The following ATE1 variants were observed in gnomAD, a reference collection of about 807,000 sequenced individuals.
ATE1 encodes arginyltransferase 1.
In ATE1, 36 loss-of-function variants were observed where a neutral mutation model predicts 70.5. The ratio of observed to expected loss-of-function variants is 0.51; its 90% CI spans 0.39 to 0.67. The LOEUF (loss-of-function observed/expected upper bound fraction) is 0.67. ATE1 is among the 30% of genes least tolerant of loss of function. The pLI, the probability that ATE1 is intolerant of heterozygous loss-of-function variation, is 0.00. For missense variants in ATE1, 593 were observed against 629.5 expected, an observed-to-expected ratio of 0.94 and a Z score of 0.62; for synonymous variants, 232 against 219.3, an observed-to-expected ratio of 1.06 and a Z score of -0.51.
At chr10:121,901,693 A>G (rs1950988484) in intron 6 of ATE1, among the ~76,000 whole-genome samples, 1 of 152,074 alleles carries the variant, frequency 6.6e-6, no homozygotes, top group South Asian at 2.1e-4. Flanking sequence ...AGACCTCAAG[A>G]GATCCACCTG....
chr10:121,758,807 T>C (rs1944914355), intron 11 of ATE1, among the ~76,000 whole-genome samples: 1 of 152,170 alleles, frequency 6.6e-6, no homozygotes, highest in African/African-American at 2.4e-5. Context: ...GTTATGGTGA[T>C]CTATGATCAG....
At chr10:121,918,546 C>A (rs1051644085) in intron 3 of ATE1, among the ~76,000 whole-genome samples, 6 of 152,130 alleles carry the variant, frequency 3.9e-5, no homozygotes, top group Non-Finnish European at 7.3e-5. Context: ...CAATCGAAAT[C>A]ACCCTTTTCT....
In ATE1 at chr10:121,913,843, T is replaced by C. The variant is rs1338237123; in HGVS notation, c.284A>G (p.Lys95Arg). ...TTTAGCTAGAAATTTCAACATTTTT[T>C]TCAAAACCTTCTTGTGAGATTTTGA... is the stretch of plus-strand genomic sequence containing the variant. Reference protein sequence around the residue: ...QPSKSHKKVLKKMLKFLAKGE... With the variant: ...QPSKSHKKVLRKMLKFLAKGE... Residue 95 changes from lysine to arginine, a missense_variant, in exon 4 of 12, where the codon AAA (lysine) becomes AGA (arginine). By Grantham distance (26) the Lys-to-Arg change is conservative (BLOSUM62 2). Coordinates refer to ENST00000224652, the MANE Select transcript of ATE1 (RefSeq NM_001001976.3). 1 of 1,613,304 alleles carries C rather than the reference T, an allele frequency of 6.2e-7. No homozygotes were observed.
At chr10:121,749,327 T>G (rs1944491361) in intron 11 of ATE1, among the ~76,000 whole-genome samples, 1 of 152,194 alleles carries the variant, frequency 6.6e-6, no homozygotes, top group East Asian at 1.9e-4. Flanking sequence ...TACTCAGATA[T>G]TAACATACAA....
Position 121,803,290 on chromosome 10 carries a change from G to A in ATE1, c.1258-13001C>T, listed in dbSNP as rs146422507. ...TCTGTCCAATCGTATTTCTTAAAAA[G>A]AGAGAACCACAGAATCTTAAAATTG... is the stretch of plus-strand genomic sequence containing the variant. On this transcript the variant is annotated intron_variant, in intron 10 of 11. Transcript: ENST00000224652. Among the ~76,000 whole-genome samples, 362 of 152,232 alleles carry A rather than the reference G, an allele frequency of 2.4e-3. 1 individual carries two copies. Among genetic ancestry groups the A allele is most frequent in the Non-Finnish European group, 4.1e-3 (280 of 68,008 alleles).
chr10:121,901,717 A>C (rs904029843), intron 6 of ATE1, among the ~76,000 whole-genome samples: 1 of 152,160 alleles, frequency 6.6e-6, no homozygotes, highest in Non-Finnish European at 1.5e-5. Context: ...CGGCCTACCA[A>C]AGTGCTAGGA....
chr10:121,869,955 A>G lies in ATE1; in HGVS notation c.975+51T>C, dbSNP rs747229722. The G allele has an allele frequency of 4.0e-6, 6 of 1,494,026 alleles. No homozygotes were observed. The African/African-American group carries it at 8.3e-5, about 21-fold the overall frequency. The allele number at this position is 1,494,026 out of a possible 1,614,324, so 92.5% of individuals were successfully genotyped here. On this transcript the variant is annotated intron_variant, in intron 8 of 11. Coordinates refer to ENST00000224652, the MANE Select transcript of ATE1 (RefSeq NM_001001976.3). ...TAAATGCCTAATGAAAGATATCAAC[A>G]ATGGTGTTCAATTACCAATTCTAAT...
chr10:121,805,014 T>A (rs1947040357), intron 10 of ATE1, among the ~76,000 whole-genome samples: 1 of 152,202 alleles, frequency 6.6e-6, no homozygotes, highest in South Asian at 2.1e-4. Flanking sequence ...AATAAATATG[T>A]AAAGCCTGTA....
intron 10 of ATE1, among the ~76,000 whole-genome samples, chr10:121,834,049 A>G (rs1948346161): frequency 1.3e-5 from 2 of 152,222 alleles, no homozygotes; most frequent in South Asian, 2.1e-4. Context: ...TGACGACTGC[A>G]GCAACTAAAG....
At chr10:121,927,251 A>T (rs1952130421) in intron 1 of ATE1, 1 of 985,252 alleles carries the variant, frequency 1.0e-6, no homozygotes, top group Non-Finnish European at 1.2e-6. Flanking sequence ...CATATAAGCA[A>T]ATGGTAAAAA....
At chr10:121,813,577 T>C (rs1421479397) in intron 10 of ATE1, among the ~76,000 whole-genome samples, 5 of 152,106 alleles carry the variant, frequency 3.3e-5, no homozygotes, top group African/African-American at 1.2e-4. Context: ...GGGAGGCCCA[T>C]AAGGAAATGA....
At chr10:121,785,838 G>A (rs1216751904) in intron 11 of ATE1, among the ~76,000 whole-genome samples, 2 of 152,002 alleles carry the variant, frequency 1.3e-5, no homozygotes, top group Non-Finnish European at 2.9e-5. Context: ...TACTAATAAT[G>A]AATGATTTAG....
intron 10 of ATE1, among the ~76,000 whole-genome samples, chr10:121,813,201 GCATCACAACCCTAAGGACAC>G (rs1235661891): frequency 6.6e-6 from 1 of 152,138 alleles, no homozygotes; most frequent in African/African-American, 2.4e-5. Context: ...TCTGAATTCT[GCATCACAACCCTAAGGACAC>G]CACCTTAGAA....
chr10:121,876,763 G>A (rs912080020), intron 7 of ATE1, among the ~76,000 whole-genome samples: 7 of 152,124 alleles, frequency 4.6e-5, no homozygotes, highest in East Asian at 3.9e-4. Flanking sequence ...TCAGCAGATC[G>A]AGACCATCCT....
intron 9 of ATE1, among the ~76,000 whole-genome samples, chr10:121,840,422 C>G (rs1303368338): frequency 6.6e-6 from 1 of 152,084 alleles, no homozygotes; most frequent in Non-Finnish European, 1.5e-5. Flanking sequence ...CACTTGAGCC[C>G]AGGAGTTCGA....
chr10:121,918,824 C>T (rs1404522005), intron 3 of ATE1, among the ~76,000 whole-genome samples: 3 of 151,826 alleles, frequency 2.0e-5, no homozygotes, highest in East Asian at 1.9e-4. Flanking sequence ...GTGGGGGGGA[C>T]GTGAAGAACT....
intron 8 of ATE1, among the ~76,000 whole-genome samples, chr10:121,848,509 T>G (rs1948926512): frequency 6.6e-6 from 1 of 150,842 alleles, no homozygotes; most frequent in African/African-American, 2.4e-5. Context: ...TCCCAGCTAT[T>G]CAGGAGGCTG....
At chr10:121,752,309 C>T (rs1944619059) in intron 11 of ATE1, among the ~76,000 whole-genome samples, 1 of 149,880 alleles carries the variant, frequency 6.7e-6, no homozygotes. Context: ...CTGCTCACTG[C>T]AAGCTCCGCC....
At chr10:121,822,129 A>C (rs1170117310) in intron 10 of ATE1, among the ~76,000 whole-genome samples, 1 of 152,180 alleles carries the variant, frequency 6.6e-6, no homozygotes, top group Non-Finnish European at 1.5e-5. Flanking sequence ...ATTAGCCAAA[A>C]CCTAGAAACA....
Sources: gnomAD v4.1 joint callset for allele counts (sites outside exome capture counted in the v4.1 genomes callset) on GRCh38, gnomAD v4.1.1 for gene constraint, MANE v1.5 for transcripts, NCBI Gene and HGNC (gene_info 2026-07-23, HGNC 2026-07-21) for gene names.